CTBS: variants seen among roughly 807,000 people sequenced by gnomAD.
CTBS encodes the protein di-N-acetylchitobiase.
In CTBS, 35 loss-of-function variants were observed where a neutral mutation model predicts 44.3. That is an observed-to-expected ratio of 0.79 (90% CI 0.60 to 1.05). The LOEUF is 1.05. Among genes scored for constraint, CTBS ranks in the 50% least tolerant of loss-of-function variants. The pLI is 0.00. For missense variants in CTBS, 458 were observed against 475.3 expected, an observed-to-expected ratio of 0.96 and a Z score of 0.34; for synonymous variants, 143 against 168.0, an observed-to-expected ratio of 0.85 and a Z score of 1.15.
At chr1:84,569,828 T>C in intron 3 of CTBS, 103 bp downstream of exon 3, 1 of 1,041,270 alleles carries the variant, frequency 9.6e-7, no homozygotes. Flanking sequence ...TGAAACTCTT[T>C]CCCATTGCAT....
rs1364381859 is a variant in CTBS at position 84,553,475 on chromosome 1, T to C, written c.*1524A>G. On this transcript the variant is annotated 3_prime_UTR_variant, in exon 7 of 7. Transcript: ENST00000370630. Reference sequence around the variant, plus strand: ...CAAAGAATAAATGTATATTAATGAATACTAATATATTTGCATGAAAATACA... The same window carrying C: ...CAAAGAATAAATGTATATTAATGAACACTAATATATTTGCATGAAAATACA... The C allele has an allele frequency of 6.6e-6, 1 of 152,312 alleles. No individual in the cohort carries two copies. The highest frequency in any genetic ancestry group is 2.4e-5 in the African/African-American group (1 of 41,448). The allele number at this position is 152,312 out of a possible 1,614,324, so 9.4% of individuals were successfully genotyped here. A position where few individuals can be genotyped will look rare whatever the true frequency, so the allele number is the denominator to read the frequency against.
intron 6 of CTBS, among the ~76,000 whole-genome samples, chr1:84,560,133 G>GAAA (rs1558625719): frequency 7.3e-5 from 10 of 136,882 alleles, no homozygotes; most frequent in African/African-American, 2.2e-4. Context: ...AAGAAAGAAA[G>GAAA]GAAAGAAAGA....
In CTBS at chr1:84,565,894, A is replaced by G. The variant is rs545320856; in HGVS notation, c.644T>C (p.Ile215Thr). 5.0e-6 allele frequency: 8 copies of G among 1,593,652 alleles called. No individual in the cohort carries two copies. In the Admixed American group the frequency reaches 1.4e-4, roughly 28 times the overall value. ...FVMSYDEQSQIWSECIAAANA... is the reference protein window; with the variant it reads ...FVMSYDEQSQTWSECIAAANA... ...GGCTGCTGCAATACATTCTGACCAG[A>G]TCTGACTTTGTTCATCATAAGACAT... The change falls in exon 4 of 7, where the codon ATC (isoleucine) becomes ACC (threonine). Residue 215 changes from isoleucine (I) to threonine (T), a missense_variant. Transcript: ENST00000370630.
At position 84,550,475 on chromosome 1, in the gene CTBS, AC is replaced by A; in HGVS notation, c.*4523del. On this transcript the variant is annotated 3_prime_UTR_variant, in exon 7 of 7. Coordinates refer to ENST00000370630, the MANE Select transcript of CTBS (RefSeq NM_004388.3). Reference sequence around the variant, plus strand: ...ATCACTGAGGTACAGCATGCAATTGACCAGCTTAAGAGAAAACTAGATACTG... The same window carrying A: ...ATCACTGAGGTACAGCATGCAATTGACAGCTTAAGAGAAAACTAGATACTG... 1 of 1,570,084 alleles carries A rather than the reference AC, an allele frequency of 6.4e-7. No individual in the cohort carries two copies. Among genetic ancestry groups the A allele is most frequent in the Non-Finnish European group, 8.6e-7 (1 of 1,156,952 alleles).
At chr1:84,565,358 T>G (rs908575007) in intron 4 of CTBS, among the ~76,000 whole-genome samples, 1 of 152,214 alleles carries the variant, frequency 6.6e-6, no homozygotes, top group East Asian at 1.9e-4. Context: ...GAATATAATT[T>G]TTAATTTATC....
chr1:84,558,912 GAAT>G (rs1407776681), intron 6 of CTBS, among the ~76,000 whole-genome samples: 1 of 151,748 alleles, frequency 6.6e-6, no homozygotes, highest in Non-Finnish European at 1.5e-5. Context: ...AAAAAAAGAA[GAAT>G]GTGTTCCTGC....
chr1:84,571,453 G>A (rs1164610892), intron 1 of CTBS, among the ~76,000 whole-genome samples: 1 of 152,204 alleles, frequency 6.6e-6, no homozygotes, highest in Non-Finnish European at 1.5e-5. Context: ...TGTTTGTTTG[G>A]TGAAGCTAGC....
chr1:84,574,372 G>C lies in CTBS; in HGVS notation c.44C>G (p.Pro15Arg). 6.4e-7 allele frequency: 1 copy of C among 1,565,956 alleles called. No individual in the cohort carries two copies. The highest frequency in any genetic ancestry group is 1.2e-5 in the South Asian group (1 of 86,040). ...QLRRWRLVSS[P>R]PSGVPGLALL... is the part of the protein sequence containing the mutation. ...CGCTAGACCCGGGACGCCGCTCGGCGGGCTAGAGACGAGGCGCCAGCGTCG... is the reference window on the plus strand; with the variant it reads ...CGCTAGACCCGGGACGCCGCTCGGCCGGCTAGAGACGAGGCGCCAGCGTCG... Residue 15 changes from proline to arginine, a missense_variant, in exon 1 of 7, where the codon CCG becomes CGG. Pro to Arg is a moderately radical substitution (Grantham distance 103, BLOSUM62 -2). Transcript: ENST00000370630.
chr1:84,555,313 A>C (rs1264884610), intron 6 of CTBS, 114 bp from the exon 7 acceptor site: 2 of 714,110 alleles, frequency 2.8e-6, no homozygotes, highest in African/African-American at 3.6e-5. Context: ...AAGTTTCCTA[A>C]ATCCAATTAT....
chr1:84,572,771 C>T (rs58499383), intron 1 of CTBS, among the ~76,000 whole-genome samples: 1,986 of 151,996 alleles, frequency 0.013, 31 homozygotes, highest in African/African-American at 0.046. Context: ...CTCCGCCTCC[C>T]AGGTTCAAGC....
Position 84,565,966 on chromosome 1 carries a change from C to T in CTBS, c.572G>A (p.Cys191Tyr), listed in dbSNP as rs1684692233. The stretch of plus-strand genomic sequence containing the variant: ...ATCTGCGATTCCAGTATAATTATAG[C>T]ATCTTCTGTCTATGTTCTTTGGAGA... ...AWSPKNIDRR[C>Y]YNYTGIADAC... is the part of the protein sequence containing the mutation. Residue 191 changes from cysteine (C) to tyrosine (Y), a missense_variant, in exon 4 of 7, where the codon TGC (cysteine) becomes TAC (tyrosine). Transcript: ENST00000370630. 1 of 1,590,318 alleles carries T rather than the reference C, an allele frequency of 6.3e-7. No individual in the cohort carries two copies.
Position 84,570,695 on chromosome 1 carries a change from T to G in CTBS, c.203A>C (p.Lys68Thr). 1 of 1,613,816 alleles carries G rather than the reference T, an allele frequency of 6.2e-7. No homozygotes were observed. Among genetic ancestry groups the G allele is most frequent in the Non-Finnish European group, 8.5e-7 (1 of 1,179,880 alleles). The change falls in exon 2 of 7, where the codon AAA (lysine) becomes ACA (threonine). Residue 68 changes from lysine to threonine, a missense_variant. Transcript: ENST00000370630. ...FEVFVFDVGQKTWKSYDWSQI... is the reference protein window; with the variant it reads ...FEVFVFDVGQTTWKSYDWSQI... Reference sequence around the variant, plus strand: ...TGACCAATCATAAGATTTCCAAGTTTTCTGTCCAACATCAAACACAAAGAC... The same window carrying G: ...TGACCAATCATAAGATTTCCAAGTTGTCTGTCCAACATCAAACACAAAGAC...
rs1684344666 is a variant in CTBS at position 84,553,738 on chromosome 1, T to C, written c.*1261A>G. 6.6e-6 allele frequency: 1 copy of C among 152,274 alleles called. No individual in the cohort carries two copies. Among genetic ancestry groups the C allele is most frequent in the South Asian group, 2.1e-4 (1 of 4,828 alleles). 9.4% of individuals were successfully genotyped at this position (152,274 alleles called of 1,614,324 possible). On this transcript the variant is annotated 3_prime_UTR_variant, in exon 7 of 7. Transcript: ENST00000370630. ...GTAAATAGGAAATGTAATATTCTCA[T>C]AACAGATGGTTCAATCATCATGTAT...
At chr1:84,563,869 C>T (rs1386505196) in intron 4 of CTBS, 37 bp from the exon 5 acceptor site, 1 of 1,586,150 alleles carries the variant, frequency 6.3e-7, no homozygotes, top group Non-Finnish European at 8.6e-7. Context: ...ATTTGTTTCT[C>T]TTCATATGTC....
intron 6 of CTBS, among the ~76,000 whole-genome samples, chr1:84,557,905 T>G (rs12403545): frequency 0.53 from 80,554 of 151,296 alleles, 23,869 homozygotes; most frequent in East Asian, 0.77. Flanking sequence ...GATTTTTTTC[T>G]AAAGTGGCAT....
At position 84,574,427 on chromosome 1, in the gene CTBS, T is replaced by C. The variant is rs1647413131; in HGVS notation, c.-12A>G. The C allele has an allele frequency of 1.3e-6, 2 of 1,523,502 alleles. No homozygotes were observed. Among genetic ancestry groups the C allele is most frequent in the South Asian group, 1.2e-5 (1 of 80,506 alleles). The allele number at this position is 1,523,502 out of a possible 1,614,324, so 94.4% of individuals were successfully genotyped here. A position where few individuals can be genotyped will look rare whatever the true frequency, so the allele number is the denominator to read the frequency against. ...TGCGGCCGGGACATAGCAGCAGGTC[T>C]AGCGGGCCGGAGTGGGTTCCTACCG... On this transcript the variant is annotated 5_prime_UTR_variant, in exon 1 of 7. Coordinates refer to ENST00000370630, the MANE Select transcript of CTBS (RefSeq NM_004388.3).
chr1:84,570,456 GATTA>G, intron 2 of CTBS, 122 bp downstream of exon 2: 3 of 785,718 alleles, frequency 3.8e-6, no homozygotes, highest in Non-Finnish European at 6.1e-6. Context: ...CAGTATCTAA[GATTA>G]ATTATAGGAT....
At chr1:84,562,938 A>G (rs906960508) in intron 6 of CTBS, among the ~76,000 whole-genome samples, 3 of 152,166 alleles carry the variant, frequency 2.0e-5, no homozygotes, top group African/African-American at 7.2e-5. Context: ...CCCAAAACCC[A>G]TTCAAAATCA....
chr1:84,573,834 T>A (rs777912173), intron 1 of CTBS: 1 of 997,938 alleles, frequency 1.0e-6, no homozygotes, highest in Non-Finnish European at 1.2e-6. Flanking sequence ...CAAAATACTC[T>A]GCATTCTAAT....
Sources: gnomAD v4.1 joint callset for allele counts (sites outside exome capture counted in the v4.1 genomes callset) on GRCh38, gnomAD v4.1.1 for gene constraint, MANE v1.5 for transcripts, NCBI Gene and HGNC (gene_info 2026-07-23, HGNC 2026-07-21) for gene names.